TTC13: variants seen among roughly 807,000 people sequenced by gnomAD.
TTC13 encodes the protein tetratricopeptide repeat domain 13.
Under a neutral mutation model 120.0 loss-of-function variants are expected in TTC13, and 62 were observed. That is an observed-to-expected ratio of 0.52 (90% CI 0.42 to 0.64). The LOEUF (loss-of-function observed/expected upper bound fraction) is 0.64, where lower values mean the gene tolerates loss of function less well. TTC13 is among the 30% of genes least tolerant of loss of function. The pLI, the probability that TTC13 is intolerant of heterozygous loss-of-function variation, is 0.00. For synonymous variants in TTC13, 384 were observed against 393.5 expected, an observed-to-expected ratio of 0.98 and a Z score of 0.28; for missense variants, 824 against 1,050.2, an observed-to-expected ratio of 0.78 and a Z score of 2.98.
At chr1:230,913,611 A>C (rs1671718665) in intron 18 of TTC13, among the ~76,000 whole-genome samples, 1 of 152,218 alleles carries the variant, frequency 6.6e-6, no homozygotes, top group Non-Finnish European at 1.5e-5. Context: ...TTGGCCTCCC[A>C]ATATGCTGGT....
chr1:230,924,576 C>A (rs7555257), intron 14 of TTC13, among the ~76,000 whole-genome samples: 11,076 of 152,274 alleles, frequency 0.073, 433 homozygotes, highest in Non-Finnish European at 0.088. Flanking sequence ...TGGTGATCCG[C>A]CCGCCTCGGC....
chr1:230,978,723 G>C lies in TTC13; in HGVS notation c.108C>G (p.Ser36=), dbSNP rs1221378609. 6.7e-7 allele frequency: 1 copy of C among 1,496,438 alleles called. No individual in the cohort carries two copies. The highest frequency in any genetic ancestry group is 8.8e-7 in the Non-Finnish European group (1 of 1,131,516). The allele number at this position is 1,496,438 out of a possible 1,614,324, so 92.7% of individuals were successfully genotyped here. The change falls in exon 1 of 23, where the codon TCC becomes TCG. Residue 36 remains serine (S), a synonymous_variant. Transcript: ENST00000366661. This position sits in a 1 kb window ranked among gnomAD's most constrained non-coding sequence, Gnocchi z 5.6. ...VLLLLLLGVL[S]AGLRPGALAT... is the part of the protein sequence containing the mutation. ...CCAGGGCGCCTGGCCGCAGCCCGGC[G>C]GACAGGACCCCCAGCAGCAGCAGCA... is the stretch of plus-strand genomic sequence containing the variant.
At chr1:230,975,997 T>C (rs1678268638) in intron 1 of TTC13, among the ~76,000 whole-genome samples, 1 of 152,208 alleles carries the variant, frequency 6.6e-6, no homozygotes, top group Admixed American at 6.5e-5. Context: ...CATATACTGC[T>C]TGTAAGAAGG....
chr1:230,924,951 C>T lies in TTC13; in HGVS notation c.1611G>A (p.Glu537=). 1 of 1,614,170 alleles carries T rather than the reference C, an allele frequency of 6.2e-7. No individual in the cohort carries two copies. Among genetic ancestry groups the T allele is most frequent in the Non-Finnish European group, 8.5e-7 (1 of 1,180,032 alleles). ...IHRAMGLAAL[E]VMQAVQRTWT... ...ATGTACGCTGCACGGCTTGCATGAC[C>T]TCCAATGCGGCCAAACCCATAGCTA... Residue 537 remains glutamate, a synonymous_variant, in exon 14 of 23, where the codon GAG becomes GAA. Transcript: ENST00000366661.
intron 1 of TTC13, among the ~76,000 whole-genome samples, chr1:230,968,398 C>T (rs1179888628): frequency 1.2e-4 from 19 of 152,144 alleles, no homozygotes; most frequent in Admixed American, 1.2e-3. Flanking sequence ...TTTATACCAG[C>T]TTTGCTGTAT....
At chr1:230,974,034 G>A (rs895855733) in intron 1 of TTC13, among the ~76,000 whole-genome samples, 4 of 149,494 alleles carry the variant, frequency 2.7e-5, no homozygotes, top group South Asian at 2.1e-4. Context: ...CCGAGATCAC[G>A]CCATTGCACT....
intron 4 of TTC13, among the ~76,000 whole-genome samples, chr1:230,952,128 G>A (rs1675651228): frequency 6.6e-6 from 1 of 152,074 alleles, no homozygotes; most frequent in East Asian, 1.9e-4. Context: ...TCAGAGACAG[G>A]TTCTTGCTCT....
intron 20 of TTC13, among the ~76,000 whole-genome samples, chr1:230,909,858 A>C (rs1671328110): frequency 6.6e-6 from 1 of 151,852 alleles, no homozygotes; most frequent in Non-Finnish European, 1.5e-5. Flanking sequence ...CTGCCCTGTC[A>C]CTCCAGAACG....
chr1:230,929,006 T>C lies in TTC13; in HGVS notation c.1388A>G (p.His463Arg), dbSNP rs751914401. 8 of 1,614,180 alleles carry C rather than the reference T, an allele frequency of 5.0e-6. No individual in the cohort carries two copies. The highest frequency in any genetic ancestry group is 3.3e-5 in the Admixed American group (2 of 60,026). Reference protein sequence around the residue: ...DVDLPGSFKDHWAKNLPFLIE... With the variant: ...DVDLPGSFKDRWAKNLPFLIE... ...GAGGAAAGGCAAATTTTTAGCCCAG[T>C]GGTCCTTAAAGCTTCCAGGCAGATC... Residue 463 changes from histidine to arginine, a missense_variant, in exon 12 of 23, where the codon CAC becomes CGC. Coordinates refer to ENST00000366661, the MANE Select transcript of TTC13 (RefSeq NM_024525.5).
At chr1:230,953,434 A>C (rs1158577493) in intron 4 of TTC13, among the ~76,000 whole-genome samples, 1 of 152,228 alleles carries the variant, frequency 6.6e-6, no homozygotes, top group Non-Finnish European at 1.5e-5. Flanking sequence ...AATATACCAG[A>C]ATGGTACTTT....
chr1:230,926,821 G>C (rs1210482184), intron 12 of TTC13, among the ~76,000 whole-genome samples: 1 of 152,152 alleles, frequency 6.6e-6, no homozygotes, highest in East Asian at 1.9e-4. Context: ...TTAAGAACTA[G>C]AGCAATTCAT....
chr1:230,929,191 C>A (rs545184473), intron 11 of TTC13, 98 bp from the exon 12 acceptor site: 3 of 1,262,760 alleles, frequency 2.4e-6, no homozygotes, highest in African/African-American at 3.0e-5. Context: ...AGCTGTTCTT[C>A]AATTATAAGA....
intron 4 of TTC13, 44 bp from the exon 5 acceptor site, chr1:230,945,498 A>G (rs781325479): frequency 6.3e-7 from 1 of 1,582,974 alleles, no homozygotes; most frequent in South Asian, 1.1e-5. Flanking sequence ...CATAAACAAA[A>G]CAAAACAAAA....
intron 9 of TTC13, among the ~76,000 whole-genome samples, chr1:230,933,175 G>T (rs1673721313): frequency 1.3e-5 from 2 of 151,972 alleles, no homozygotes; most frequent in South Asian, 4.1e-4. Context: ...GTTTCACCAT[G>T]TTGGCCAGGC....
At chr1:230,931,155 G>A (rs1334966263) in intron 11 of TTC13, 143 bp downstream of exon 11, 4 of 693,348 alleles carry the variant, frequency 5.8e-6, no homozygotes, top group African/African-American at 1.8e-5. Flanking sequence ...CTCGACACTA[G>A]CACTGACAAG....
chr1:230,934,682 C>T (rs564652721), intron 8 of TTC13, among the ~76,000 whole-genome samples: 36 of 152,278 alleles, frequency 2.4e-4, no homozygotes, highest in East Asian at 3.9e-4. Context: ...AAAAAAATTA[C>T]GACTATATAG....
At chr1:230,925,013 G>A in intron 13 of TTC13, 40 bp from the exon 14 acceptor site, 1 of 1,611,208 alleles carries the variant, frequency 6.2e-7, no homozygotes, top group Non-Finnish European at 8.5e-7. Context: ...GTACACTTTA[G>A]AGGGACTGAG....
chr1:230,967,565 C>T (rs977697121), intron 1 of TTC13, among the ~76,000 whole-genome samples: 2 of 152,104 alleles, frequency 1.3e-5, no homozygotes, highest in African/African-American at 2.4e-5. Context: ...CTAAAACAAA[C>T]TCTGATTGAG....
chr1:230,936,523 T>C (rs1280459992), intron 8 of TTC13: 1 of 256,340 alleles, frequency 3.9e-6, no homozygotes, highest in African/African-American at 2.2e-5. Context: ...ACGCATGGTT[T>C]GTGAAATATC....
Sources: gnomAD v4.1 joint callset for allele counts (sites outside exome capture counted in the v4.1 genomes callset) on GRCh38, gnomAD v4.1.1 for gene constraint, Gnocchi (gnomAD v3.1) non-coding constraint, MANE v1.5 for transcripts, NCBI Gene and HGNC (gene_info 2026-07-23, HGNC 2026-07-21) for gene names.